The following SLC9B1 variants were observed in gnomAD, a reference collection of about 807,000 sequenced individuals.
The protein encoded by SLC9B1 is sodium/hydrogen exchanger 9B1.
SLC9B1 carries 32 observed loss-of-function variants against 51.7 expected under a neutral mutation model. The observed-to-expected ratio is 0.62, with a 90% CI of 0.47 to 0.83. SLC9B1 has a LOEUF of 0.83. SLC9B1 is among the 40% of genes least tolerant of loss of function. SLC9B1 has a pLI of 0.00. For synonymous variants in SLC9B1, 145 were observed against 212.7 expected, an observed-to-expected ratio of 0.68 and a Z score of 2.77; for missense variants, 406 against 613.2, an observed-to-expected ratio of 0.66 and a Z score of 3.57.
Position 102,929,325 on chromosome 4 carries a change from A to T in SLC9B1, c.829+2799T>A, listed in dbSNP as rs76321364. Among the ~76,000 whole-genome samples the T allele has an allele frequency of 2.4e-3, 364 of 152,276 alleles. 13 individuals carry two copies. The East Asian group carries it at 0.055, about 23-fold the overall frequency. The stretch of plus-strand genomic sequence containing the variant: ...TGTGGAGTCAGACTGCCAGATTTGC[A>T]TCTTGGCTCCCCTACTTACTGGATC... On this transcript the variant is annotated intron_variant, in intron 7 of 11. Coordinates refer to ENST00000296422, the MANE Select transcript of SLC9B1 (RefSeq NM_139173.4).
intron 11 of SLC9B1, among the ~76,000 whole-genome samples, chr4:102,905,209 G>GTTTGTTTATTTATTTATTTATTTATTTA (rs142177463): frequency 1.4e-5 from 2 of 145,974 alleles, no homozygotes; most frequent in Non-Finnish European, 3.0e-5. Context: ...CTTTGTTTTT[G>GTTTGTTTATTTATTTATTTATTTATTTA]TTTATTTATT....
intron 3 of SLC9B1, among the ~76,000 whole-genome samples, chr4:102,978,786 C>G (rs1039784618): frequency 6.6e-6 from 1 of 152,142 alleles, no homozygotes; most frequent in Non-Finnish European, 1.5e-5. Context: ...ACTAGAAATA[C>G]CATTTGACCC....
At chr4:102,945,431 G>C (rs369181727) in intron 5 of SLC9B1, 111 bp from the exon 6 acceptor site, 1 of 1,187,458 alleles carries the variant, frequency 8.4e-7, no homozygotes, top group Admixed American at 2.8e-5. Context: ...TTCACTAAAC[G>C]AAATCTCATT....
At chr4:102,984,935 C>G (rs1347917388) in intron 3 of SLC9B1, among the ~76,000 whole-genome samples, 1 of 152,150 alleles carries the variant, frequency 6.6e-6, no homozygotes, top group Non-Finnish European at 1.5e-5. Context: ...TCCTATTCAG[C>G]CTCCAGAGTA....
At chr4:102,949,946 G>A (rs1018768197) in intron 3 of SLC9B1, among the ~76,000 whole-genome samples, 5 of 151,856 alleles carry the variant, frequency 3.3e-5, no homozygotes, top group African/African-American at 1.2e-4. Context: ...GTGTGACAGA[G>A]TGAGACTCAG....
At chr4:102,932,979 G>C (rs1736534942) in intron 6 of SLC9B1, among the ~76,000 whole-genome samples, 1 of 152,220 alleles carries the variant, frequency 6.6e-6, no homozygotes, top group African/African-American at 2.4e-5. Flanking sequence ...AGTGGTTGAT[G>C]ACACCCATGA....
chr4:102,892,218 C>A (rs1740391016), intron 11 of SLC9B1: 1 of 151,966 alleles, frequency 6.6e-6, no homozygotes, highest in African/African-American at 2.4e-5. Context: ...TTCATCATGC[C>A]CGGCTAATTT....
intron 1 of SLC9B1, among the ~76,000 whole-genome samples, chr4:103,011,399 C>T (rs7695096): frequency 0.54 from 82,498 of 151,918 alleles, 22,944 homozygotes; most frequent in African/African-American, 0.68. Flanking sequence ...ATGTTGGCAT[C>T]ACATGCCTGT....
chr4:102,898,941 C>T (rs1734662907), downstream of SLC9B1, among the ~76,000 whole-genome samples: 1 of 151,966 alleles, frequency 6.6e-6, no homozygotes, highest in African/African-American at 2.4e-5. Context: ...TTGTATTTCA[C>T]CATGTTAGCC....
chr4:102,922,478 C>T (rs1159045509), intron 7 of SLC9B1, among the ~76,000 whole-genome samples: 2 of 152,102 alleles, frequency 1.3e-5, no homozygotes. Flanking sequence ...AAAATTGACA[C>T]CTTAACATCA....
intron 7 of SLC9B1, among the ~76,000 whole-genome samples, chr4:102,929,210 T>C (rs1736330985): frequency 6.6e-6 from 1 of 152,238 alleles, no homozygotes; most frequent in Non-Finnish European, 1.5e-5. Context: ...TTTTCTTTAA[T>C]ATACAAGCTC....
At chr4:102,896,695 TTTACCGGGGGACCCTTGG>T (rs1734557656), downstream of SLC9B1, 1 of 152,202 alleles carries the variant, frequency 6.6e-6, no homozygotes, top group Non-Finnish European at 1.5e-5. Context: ...AAGGTGGGGT[TTTACCGGGGGACCCTTGG>T]TTGCCTCCTG....
intron 7 of SLC9B1, among the ~76,000 whole-genome samples, chr4:102,923,294 A>G (rs1316882704): frequency 6.6e-6 from 1 of 152,240 alleles, no homozygotes; most frequent in East Asian, 1.9e-4. Context: ...TCATATAAGC[A>G]GAACCAAAGA....
At chr4:102,968,676 G>A (rs940662476) in intron 3 of SLC9B1, among the ~76,000 whole-genome samples, 1 of 152,206 alleles carries the variant, frequency 6.6e-6, no homozygotes, top group Non-Finnish European at 1.5e-5. Flanking sequence ...CACTGGGACT[G>A]GTTGGACAGT....
chr4:102,951,960 C>CTTTTTTTT lies in SLC9B1; in HGVS notation c.212-2541_212-2534dup, dbSNP rs765709645. Among the ~76,000 whole-genome samples the CTTTTTTTT allele has an allele frequency of 2.6e-3, 17 of 6,540 alleles. 1 individual carries two copies. Among genetic ancestry groups the CTTTTTTTT allele is most frequent in the Middle Eastern group, 0.056 (1 of 18 alleles). The allele number at this position is 6,540 out of a possible 152,430, so 4.3% of individuals were successfully genotyped here. A position where few individuals can be genotyped will look rare whatever the true frequency, so the allele number is the denominator to read the frequency against. ...AGACTACCAAAGGCAAAAATAAAAT[C>CTTTTTTTT]TTTTTTTTTTTTTTTTTTTTATTAT... On this transcript the variant is annotated intron_variant, in intron 3 of 11. Coordinates refer to ENST00000296422, the MANE Select transcript of SLC9B1 (RefSeq NM_139173.4).
At chr4:102,964,264 A>G (rs1738303769) in intron 3 of SLC9B1, among the ~76,000 whole-genome samples, 1 of 152,116 alleles carries the variant, frequency 6.6e-6, no homozygotes, top group South Asian at 2.1e-4. Context: ...AGGAAAAAAA[A>G]AACAAATATC....
chr4:103,015,568 C>T (rs1407919709), intron 1 of SLC9B1, among the ~76,000 whole-genome samples: 1 of 152,070 alleles, frequency 6.6e-6, no homozygotes, highest in African/African-American at 2.4e-5. Context: ...CACAGGGCCA[C>T]AAATCTCAAA....
At chr4:102,918,489 A>T (rs1735699986) in intron 7 of SLC9B1, among the ~76,000 whole-genome samples, 1 of 152,198 alleles carries the variant, frequency 6.6e-6, no homozygotes, top group East Asian at 1.9e-4. Flanking sequence ...AAACAACATA[A>T]TGAGAAACGG....
rs1202540725 is a variant in SLC9B1 at position 102,971,703 on chromosome 4, GT to G, written c.211+18096del. On this transcript the variant is annotated intron_variant, in intron 3 of 11. Coordinates refer to ENST00000296422, the MANE Select transcript of SLC9B1 (RefSeq NM_139173.4). ...CAAAAAATCAATGCATCCAGGAGCT[GT>G]TTTTTTGAAAAGATCAACAAAATTG... 4.6e-5 allele frequency among the ~76,000 whole-genome samples: 7 copies of G among 152,028 alleles called. No individual in the cohort carries two copies. The East Asian group carries it at 1.3e-3, about 29-fold the overall frequency.
Sources: allele counts gnomAD v4.1 joint callset (sites outside exome capture counted in the v4.1 genomes callset), GRCh38; gene constraint gnomAD v4.1.1; transcripts MANE v1.5; gene names NCBI Gene and HGNC (gene_info 2026-07-23, HGNC 2026-07-21).